The following CDK6 variants were observed in gnomAD, a reference collection of about 807,000 sequenced individuals.
CDK6 encodes the protein cyclin dependent kinase 6, also known as cyclin-dependent kinase 6.
CDK6 carries 6 observed loss-of-function variants against 37.1 expected under a neutral mutation model. That is an observed-to-expected ratio of 0.16 (90% CI 0.09 to 0.32). The LOEUF (loss-of-function observed/expected upper bound fraction) is 0.32. Among genes scored for constraint, CDK6 ranks in the 10% least tolerant of loss-of-function variants. The pLI, the probability that CDK6 is intolerant of heterozygous loss-of-function variation, is 1.00. For missense variants in CDK6, 224 were observed against 418.9 expected, an observed-to-expected ratio of 0.53 and a Z score of 4.06; for synonymous variants, 160 against 161.3, an observed-to-expected ratio of 0.99 and a Z score of 0.06.
chr7:92,726,562 C>A (rs1798517148), intron 3 of CDK6, among the ~76,000 whole-genome samples: 1 of 152,108 alleles, frequency 6.6e-6, no homozygotes, highest in South Asian at 2.1e-4. Flanking sequence ...AGGTGCATGC[C>A]ACCATGCTAG....
chr7:92,755,996 T>C (rs1799309567), intron 3 of CDK6, among the ~76,000 whole-genome samples: 1 of 152,100 alleles, frequency 6.6e-6, no homozygotes, highest in Non-Finnish European at 1.5e-5. Flanking sequence ...CACAACGTTT[T>C]GCAAGGTTGG....
At chr7:92,666,118 G>A (rs1005087865) in intron 5 of CDK6, among the ~76,000 whole-genome samples, 1 of 152,168 alleles carries the variant, frequency 6.6e-6, no homozygotes, top group African/African-American at 2.4e-5. Flanking sequence ...ACACATAAAT[G>A]ACTATTCCTC....
chr7:92,717,467 A>G (rs1453971547), intron 4 of CDK6, among the ~76,000 whole-genome samples: 4 of 151,870 alleles, frequency 2.6e-5, no homozygotes, highest in Admixed American at 6.6e-5. Flanking sequence ...GAAGAAAGAA[A>G]GAAAAAGAAA....
intron 5 of CDK6, among the ~76,000 whole-genome samples, chr7:92,645,947 T>G (rs1320423865): frequency 6.6e-6 from 1 of 152,240 alleles, no homozygotes; most frequent in Non-Finnish European, 1.5e-5. Context: ...TCATAAAGAC[T>G]GTGTGATTCA....
intron 2 of CDK6, among the ~76,000 whole-genome samples, chr7:92,800,660 C>T (rs918779729): frequency 6.6e-6 from 1 of 152,170 alleles, no homozygotes; most frequent in African/African-American, 2.4e-5. Flanking sequence ...CTCAATTAAC[C>T]TCTGTTAAAC....
In CDK6 at chr7:92,834,750, C is replaced by T. The variant is rs1382934904; in HGVS notation, c.-367-1060G>A. ...GGTCTCTGTCCTCGGGGCCCGGACT[C>T]GCGAACCTTTTCCCATTCCCAGGAC... On this transcript the variant is annotated intron_variant, in intron 1 of 7. Coordinates refer to ENST00000424848, the MANE Select transcript of CDK6 (RefSeq NM_001145306.2). This position sits in a 1 kb window ranked among gnomAD's most constrained non-coding sequence, Gnocchi z 4.6. Among the ~76,000 whole-genome samples, 1 of 152,018 alleles carries T rather than the reference C, an allele frequency of 6.6e-6. No homozygotes were observed. Among genetic ancestry groups the T allele is most frequent in the African/African-American group, 2.4e-5 (1 of 41,390 alleles).
At chr7:92,780,328 T>TA (rs1799955192) in intron 2 of CDK6, among the ~76,000 whole-genome samples, 2 of 152,324 alleles carry the variant, frequency 1.3e-5, no homozygotes, top group South Asian at 2.1e-4. Context: ...AAGCATGAAT[T>TA]AAAATCCCTG....
At chr7:92,626,183 G>A (rs1220226941) in intron 5 of CDK6, among the ~76,000 whole-genome samples, 2 of 151,928 alleles carry the variant, frequency 1.3e-5, no homozygotes, top group Non-Finnish European at 2.9e-5. Flanking sequence ...AGTACATGCG[G>A]CTGTAATTGG....
At position 92,611,797 on chromosome 7, in the gene CDK6, C is replaced by T. The variant is rs1795567734; in HGVS notation, c.*3343G>A. The T allele has an allele frequency of 4.3e-6, 1 of 230,972 alleles. No individual in the cohort carries two copies. Among genetic ancestry groups the T allele is most frequent in the African/African-American group, 2.2e-5 (1 of 45,226 alleles). 14.3% of individuals were successfully genotyped at this position (230,972 alleles called of 1,614,324 possible). On this transcript the variant is annotated 3_prime_UTR_variant, in exon 8 of 8. Coordinates refer to ENST00000424848, the MANE Select transcript of CDK6 (RefSeq NM_001145306.2). ...TTTAACACAATGCTGAGATTCTATT[C>T]TTAGGTGAATAATTTTCAACTATTT...
At chr7:92,820,789 A>T (rs183600830) in intron 2 of CDK6, among the ~76,000 whole-genome samples, 1 of 152,284 alleles carries the variant, frequency 6.6e-6, no homozygotes, top group African/African-American at 2.4e-5. Context: ...GAGCAACAGC[A>T]TATTATCTAA....
intron 4 of CDK6, among the ~76,000 whole-genome samples, chr7:92,709,584 T>C (rs888488902): frequency 6.6e-6 from 1 of 152,210 alleles, no homozygotes; most frequent in African/African-American, 2.4e-5. Flanking sequence ...GTATTTTATT[T>C]ATGCATCCAA....
intron 3 of CDK6, among the ~76,000 whole-genome samples, chr7:92,740,364 T>G (rs1437261012): frequency 6.6e-6 from 1 of 152,178 alleles, no homozygotes; most frequent in Non-Finnish European, 1.5e-5. Context: ...CCTTTCAACT[T>G]GTCTTTCAAG....
chr7:92,640,275 T>C (rs1796273473), intron 5 of CDK6, among the ~76,000 whole-genome samples: 1 of 152,184 alleles, frequency 6.6e-6, no homozygotes, highest in Non-Finnish European at 1.5e-5. Context: ...GGGGCCCTCA[T>C]GGAGGTTCTG....
chr7:92,669,204 G>A (rs1797023330), intron 5 of CDK6, among the ~76,000 whole-genome samples: 1 of 152,198 alleles, frequency 6.6e-6, no homozygotes, highest in South Asian at 2.1e-4. Flanking sequence ...AAATTTTGAT[G>A]AATTAGCACA....
Position 92,607,241 on chromosome 7 carries a change from A to G in CDK6, c.*7899T>C. On this transcript the variant is annotated 3_prime_UTR_variant, in exon 8 of 8. Transcript: ENST00000424848. The stretch of plus-strand genomic sequence containing the variant: ...ACGAGGGCACTACATCACGTGAGGG[A>G]AGCTTCTTCATGAGGGCAGACAAGA... 4.3e-6 allele frequency: 1 copy of G among 233,722 alleles called. No individual in the cohort carries two copies. The highest frequency in any genetic ancestry group is 1.8e-4 in the South Asian group (1 of 5,532). 14.5% of individuals were successfully genotyped at this position (233,722 alleles called of 1,614,324 possible). A position where few individuals can be genotyped will look rare whatever the true frequency, so the allele number is the denominator to read the frequency against.
intron 5 of CDK6, among the ~76,000 whole-genome samples, chr7:92,627,146 T>C (rs1188842477): frequency 2.0e-5 from 3 of 152,088 alleles, no homozygotes; most frequent in Non-Finnish European, 4.4e-5. Flanking sequence ...AAGAATGATA[T>C]ACTGAGACTA....
chr7:92,749,485 A>C (rs1799139294), intron 3 of CDK6, among the ~76,000 whole-genome samples: 1 of 152,168 alleles, frequency 6.6e-6, no homozygotes, highest in Non-Finnish European at 1.5e-5. Flanking sequence ...ACAAACCAAA[A>C]ACCAAAACCA....
intron 3 of CDK6, among the ~76,000 whole-genome samples, chr7:92,738,357 C>T (rs190603404): frequency 1.6e-4 from 24 of 152,218 alleles, no homozygotes; most frequent in African/African-American, 5.8e-4. Context: ...ATTGGTATCA[C>T]AGGCCAGCAC....
chr7:92,697,589 C>T (rs1193750243), intron 4 of CDK6, among the ~76,000 whole-genome samples: 1 of 152,120 alleles, frequency 6.6e-6, no homozygotes, highest in Non-Finnish European at 1.5e-5. Context: ...TGCAAGTAAC[C>T]ACTGAGTATG....
Sources: gnomAD v4.1 joint callset for allele counts (sites outside exome capture counted in the v4.1 genomes callset) on GRCh38, gnomAD v4.1.1 for gene constraint, Gnocchi (gnomAD v3.1) non-coding constraint, MANE v1.5 for transcripts, NCBI Gene and HGNC (gene_info 2026-07-23, HGNC 2026-07-21) for gene names.